PCDHA3: variants seen among roughly 807,000 people sequenced by gnomAD.
PCDHA3 encodes the protein protocadherin alpha 3.
PCDHA3 carries 41 observed loss-of-function variants against 62.2 expected under a neutral mutation model. The ratio of observed to expected loss-of-function variants is 0.66; its 90% CI spans 0.51 to 0.86. PCDHA3 has a LOEUF of 0.86. Among genes scored for constraint, PCDHA3 ranks in the 40% least tolerant of loss-of-function variants. The pLI is 0.00. For missense variants in PCDHA3, 1,304 were observed against 1,241.2 expected (o/e 1.05, Z -0.76); for synonymous variants, 640 against 555.4 (o/e 1.15, Z -2.14).
intron 3 of PCDHA3, among the ~76,000 whole-genome samples, chr5:140,999,986 G>A (rs2097887000): frequency 6.6e-6 from 1 of 151,990 alleles, no homozygotes; most frequent in African/African-American, 2.4e-5. Context: ...GCGGCCTCTG[G>A]GTAGTGGTAT....
intron 1 of PCDHA3, chr5:140,830,297 A>G (rs1359749137): frequency 6.2e-7 from 1 of 1,613,732 alleles, no homozygotes; most frequent in East Asian, 2.2e-5. Context: ...CACGGCGGAC[A>G]AGCCCACGCT....
intron 1 of PCDHA3, among the ~76,000 whole-genome samples, chr5:140,922,237 G>A (rs2080732766): frequency 6.6e-6 from 1 of 152,156 alleles, no homozygotes; most frequent in Non-Finnish European, 1.5e-5. Flanking sequence ...ACCATGATGT[G>A]TATGAAGATA....
chr5:140,836,429 A>G, intron 1 of PCDHA3: 1 of 1,613,806 alleles, frequency 6.2e-7, no homozygotes, highest in Non-Finnish European at 8.5e-7. Flanking sequence ...CGTCGCGGGC[A>G]TCGTTGGGCA....
At chr5:140,855,899 C>A in intron 1 of PCDHA3, 1 of 1,074,020 alleles carries the variant, frequency 9.3e-7, no homozygotes, top group Non-Finnish European at 1.3e-6. Flanking sequence ...AAGGCATCAG[C>A]CAGTTTCTCA....
chr5:140,984,754 A>G (rs2097118359), intron 3 of PCDHA3, among the ~76,000 whole-genome samples: 1 of 152,158 alleles, frequency 6.6e-6, no homozygotes, highest in Admixed American at 6.5e-5. Context: ...ATTTGAGTTG[A>G]ATTCTAATCC....
intron 1 of PCDHA3, among the ~76,000 whole-genome samples, chr5:140,960,639 C>T (rs1184483884): frequency 5.9e-5 from 9 of 152,058 alleles, no homozygotes; most frequent in Admixed American, 5.9e-4. Flanking sequence ...ATTTTTAAAA[C>T]CCCTATCCAA....
intron 1 of PCDHA3, among the ~76,000 whole-genome samples, chr5:140,952,271 G>A (rs561917046): frequency 6.6e-6 from 1 of 151,646 alleles, no homozygotes; most frequent in East Asian, 2.0e-4. Flanking sequence ...CTGGGGTCTT[G>A]AGGGTGGTGG....
intron 1 of PCDHA3, among the ~76,000 whole-genome samples, chr5:140,935,915 CAG>C (rs2090644404): frequency 7.6e-6 from 1 of 131,048 alleles, no homozygotes; most frequent in Non-Finnish European, 1.6e-5. Flanking sequence ...TTTTTTGAGA[CAG>C]ATTCTCATTC....
At chr5:140,995,851 G>A (rs2097700458) in intron 3 of PCDHA3, among the ~76,000 whole-genome samples, 4 of 152,250 alleles carry the variant, frequency 2.6e-5, no homozygotes, top group South Asian at 2.1e-4. Flanking sequence ...CATTTCTATC[G>A]TATCACTTAA....
chr5:140,921,932 T>C (rs1249285993), intron 1 of PCDHA3, among the ~76,000 whole-genome samples: 1 of 152,080 alleles, frequency 6.6e-6, no homozygotes, highest in Non-Finnish European at 1.5e-5. Context: ...ATAGTCAATA[T>C]AATTTTACAC....
At chr5:140,965,371 T>C (rs1195667342) in intron 1 of PCDHA3, among the ~76,000 whole-genome samples, 9 of 152,124 alleles carry the variant, frequency 5.9e-5, no homozygotes, top group African/African-American at 1.2e-4. Flanking sequence ...AAGAGGAAAC[T>C]TGGGGACACA....
Position 141,011,847 on chromosome 5 carries a change from T to C in PCDHA3, c.*1910T>C, listed in dbSNP as rs745912784. 2.0e-5 allele frequency: 3 copies of C among 153,780 alleles called. No individual in the cohort carries two copies. Among genetic ancestry groups the C allele is most frequent in the Non-Finnish European group, 4.4e-5 (3 of 68,052 alleles). The allele number at this position is 153,780 out of a possible 1,614,324, so 9.5% of individuals were successfully genotyped here. ...ATTTGCTGTCACCTTAAATAAGACA[T>C]TTTAATTTTGTTATAATGTACAATT... On this transcript the variant is annotated 3_prime_UTR_variant, in exon 4 of 4. Coordinates refer to ENST00000522353, the MANE Select transcript of PCDHA3 (RefSeq NM_018906.3).
In PCDHA3 at chr5:141,009,814, A is replaced by C. The variant is rs781835321; in HGVS notation, c.2730A>C (p.Lys910Asn). Residue 910 changes from lysine to asparagine, a missense_variant, in exon 4 of 4, where the codon AAA (lysine) becomes AAC (asparagine). By Grantham distance (94) the Lys-to-Asn change is moderately conservative. Coordinates refer to ENST00000522353, the MANE Select transcript of PCDHA3 (RefSeq NM_018906.3). ...RQEPTNSQID[K>N]SDFITFGKKE... ...AGCCTACTAACAGCCAAATTGACAA[A>C]AGTGACTTCATAACCTTCGGCAAAA... The C allele has an allele frequency of 6.2e-7, 1 of 1,614,124 alleles. No individual in the cohort carries two copies. The highest frequency in any genetic ancestry group is 8.5e-7 in the Non-Finnish European group (1 of 1,180,010).
intron 1 of PCDHA3, among the ~76,000 whole-genome samples, chr5:140,942,908 G>A (rs187574457): frequency 2.6e-5 from 4 of 151,726 alleles, no homozygotes; most frequent in African/African-American, 9.7e-5. Flanking sequence ...AAGAATAAGC[G>A]TGAAGAAAAA....
chr5:140,885,941 T>G (rs2060783691), intron 1 of PCDHA3, among the ~76,000 whole-genome samples: 1 of 152,196 alleles, frequency 6.6e-6, no homozygotes, highest in Non-Finnish European at 1.5e-5. Flanking sequence ...TTTTTTGACA[T>G]TTTTAATTAA....
rs1386939569 is a variant in PCDHA3 at position 140,856,853 on chromosome 5, G to C, written c.2394+53262G>C. The C allele has an allele frequency of 6.9e-6, 11 of 1,594,152 alleles. 1 individual carries two copies. The highest frequency in any genetic ancestry group is 9.4e-6 in the Non-Finnish European group (11 of 1,164,260). ...AATACGGCTCAACGCTTCTGATTCG[G>C]ATGAAGGAATAAACAAGGAAATGAT... On this transcript the variant is annotated intron_variant, in intron 1 of 3. Coordinates refer to ENST00000522353, the MANE Select transcript of PCDHA3 (RefSeq NM_018906.3).
intron 1 of PCDHA3, chr5:140,841,926 G>C (rs1490008187): frequency 6.2e-7 from 1 of 1,613,806 alleles, no homozygotes; most frequent in African/African-American, 1.3e-5. Context: ...TCCTTGGACA[G>C]AGAGGACGCT....
At chr5:140,813,493 A>C (rs1765313819) in intron 1 of PCDHA3, 1 of 152,192 alleles carries the variant, frequency 6.6e-6, no homozygotes, top group Admixed American at 6.5e-5. Flanking sequence ...AAACATCTAA[A>C]AGGTACAGTA....
Position 140,822,383 on chromosome 5 carries a change from A to G in PCDHA3, c.2394+18792A>G, listed in dbSNP as rs140694784. The G allele has an allele frequency of 6.7e-5, 108 of 1,614,026 alleles. 1 individual carries two copies. The highest frequency in any genetic ancestry group is 3.3e-4 in the Middle Eastern group (2 of 6,084). Reference sequence around the variant, plus strand: ...TTGAGGAAATCCTTAGATAGAGAAGAAACACAAGAACACCGTTTATTAGTG... The same window carrying G: ...TTGAGGAAATCCTTAGATAGAGAAGGAACACAAGAACACCGTTTATTAGTG... On this transcript the variant is annotated intron_variant, in intron 1 of 3. Coordinates refer to ENST00000522353, the MANE Select transcript of PCDHA3 (RefSeq NM_018906.3).
Sources: allele counts gnomAD v4.1 joint callset (sites outside exome capture counted in the v4.1 genomes callset), GRCh38; gene constraint gnomAD v4.1.1; transcripts MANE v1.5; gene names NCBI Gene and HGNC (gene_info 2026-07-23, HGNC 2026-07-21).